TENM3: variants seen among roughly 807,000 people sequenced by gnomAD.
The protein encoded by TENM3 is teneurin-3.
TENM3 carries 63 observed loss-of-function variants against 255.1 expected under a neutral mutation model. The observed-to-expected ratio is 0.25, with a 90% CI of 0.20 to 0.30. The LOEUF (loss-of-function observed/expected upper bound fraction) is 0.30, where lower values mean the gene tolerates loss of function less well. TENM3 is among the 10% of genes least tolerant of loss of function. TENM3 has a pLI of 1.00. For missense variants in TENM3, 2,929 were observed against 3,461.1 expected (o/e 0.85, Z 3.86); for synonymous variants, 1,306 against 1,322.3 (o/e 0.99, Z 0.27).
chr4:181,523,872 C>T, the TENM3 span, among the ~76,000 whole-genome samples: 2 of 152,186 alleles, frequency 1.3e-5, no homozygotes, highest in Non-Finnish European at 2.9e-5. Context: ...AGGATTCAAA[C>T]AGTAGCATAC....
At chr4:181,506,382 G>A in the TENM3 span, among the ~76,000 whole-genome samples, 6 of 150,944 alleles carry the variant, frequency 4.0e-5, no homozygotes, top group Non-Finnish European at 8.8e-5. Context: ...AATCCAGGAC[G>A]GAATGTTCAT....
chr4:182,431,679 G>A (rs1266117548), intron 3 of TENM3, among the ~76,000 whole-genome samples: 1 of 152,198 alleles, frequency 6.6e-6, no homozygotes, highest in Non-Finnish European at 1.5e-5. Flanking sequence ...AATGCCTGCA[G>A]GGGTCAGGGT....
At chr4:182,653,503 G>A (rs186171838) in intron 5 of TENM3, among the ~76,000 whole-genome samples, 3 of 152,276 alleles carry the variant, frequency 2.0e-5, no homozygotes, top group African/African-American at 7.2e-5. Flanking sequence ...AGCAAATAAT[G>A]ATTGATTCCT....
chr4:181,913,236 A>G, the TENM3 span, among the ~76,000 whole-genome samples: 1 of 152,296 alleles, frequency 6.6e-6, no homozygotes, highest in East Asian at 1.9e-4. Context: ...TCTGAGAAGA[A>G]CTGAATGATT....
At chr4:181,849,165 T>G in the TENM3 span, among the ~76,000 whole-genome samples, 1 of 152,186 alleles carries the variant, frequency 6.6e-6, no homozygotes, top group Non-Finnish European at 1.5e-5. Context: ...TGCTTAATAT[T>G]CCTGTCTACA....
At chr4:182,001,253 C>T in the TENM3 span, among the ~76,000 whole-genome samples, 1 of 151,802 alleles carries the variant, frequency 6.6e-6, no homozygotes, top group Non-Finnish European at 1.5e-5. Context: ...ATAAAAAAAA[C>T]TCTACAAAAT....
chr4:182,744,924 T>G (rs1379621770), intron 19 of TENM3, among the ~76,000 whole-genome samples: 1 of 152,040 alleles, frequency 6.6e-6, no homozygotes, highest in Non-Finnish European at 1.5e-5. Context: ...CACATTTGAT[T>G]GAAAAACTTT....
intron 13 of TENM3, among the ~76,000 whole-genome samples, chr4:182,724,733 G>C (rs143389599): frequency 4.6e-5 from 7 of 152,176 alleles, no homozygotes; most frequent in African/African-American, 1.4e-4. Flanking sequence ...GCATTATGGC[G>C]GGGGAGAAGA....
At chr4:182,266,517 CA>C (rs1351475722) in intron 1 of TENM3, among the ~76,000 whole-genome samples, 1 of 151,526 alleles carries the variant, frequency 6.6e-6, no homozygotes, top group Middle Eastern at 3.2e-3. Context: ...TGCTCTTTCA[CA>C]AAAAAAGTAA....
the TENM3 span, among the ~76,000 whole-genome samples, chr4:181,676,675 T>C: frequency 6.6e-6 from 1 of 152,136 alleles, no homozygotes; most frequent in East Asian, 1.9e-4. Flanking sequence ...CTCCCATCAA[T>C]GTAAAAGATC....
chr4:182,134,978 A>G, the TENM3 span, among the ~76,000 whole-genome samples: 1 of 151,754 alleles, frequency 6.6e-6, no homozygotes, highest in South Asian at 2.1e-4. Context: ...GAGGCCGAGG[A>G]GGGTGGATCA....
intron 12 of TENM3, among the ~76,000 whole-genome samples, chr4:182,711,850 G>A (rs1758768890): frequency 6.6e-6 from 1 of 152,084 alleles, no homozygotes; most frequent in Admixed American, 6.5e-5. Context: ...AGAAACTGAA[G>A]ATAATGGTAC....
chr4:182,054,438 G>A, the TENM3 span, among the ~76,000 whole-genome samples: 8 of 152,250 alleles, frequency 5.3e-5, no homozygotes, highest in Non-Finnish European at 1.0e-4. Context: ...CAAGTGTGAC[G>A]TACTGTTAGG....
At chr4:182,217,689 A>G (rs1755584210) in intron 1 of TENM3, among the ~76,000 whole-genome samples, 1 of 152,210 alleles carries the variant, frequency 6.6e-6, no homozygotes, top group African/African-American at 2.4e-5. Flanking sequence ...AACATGTGGT[A>G]GAACTGAGAC....
intron 1 of TENM3, among the ~76,000 whole-genome samples, chr4:182,228,041 T>C (rs1320339990): frequency 6.6e-6 from 1 of 151,930 alleles, no homozygotes; most frequent in Non-Finnish European, 1.5e-5. Flanking sequence ...TATACAGAGA[T>C]TGAGAATAAA....
intron 3 of TENM3, among the ~76,000 whole-genome samples, chr4:182,591,202 G>T (rs1378448291): frequency 2.0e-5 from 3 of 152,126 alleles, no homozygotes; most frequent in Non-Finnish European, 4.4e-5. Context: ...AATCTAGGTT[G>T]CCGCATTGTC....
the TENM3 span, among the ~76,000 whole-genome samples, chr4:181,486,751 T>G: frequency 0.016 from 2,419 of 152,280 alleles, 33 homozygotes; most frequent in South Asian, 0.022. Flanking sequence ...CGTTCTAGGT[T>G]AAACAGAAAA....
upstream of TENM3, among the ~76,000 whole-genome samples, chr4:182,139,286 C>G (rs1749227427): frequency 6.6e-6 from 1 of 152,110 alleles, no homozygotes; most frequent in African/African-American, 2.4e-5. Flanking sequence ...GCCCCGGATG[C>G]AGAGCATTCC....
At chr4:181,671,946 G>A in the TENM3 span, among the ~76,000 whole-genome samples, 1 of 152,070 alleles carries the variant, frequency 6.6e-6, no homozygotes, top group Admixed American at 6.6e-5. Flanking sequence ...CTAGGAATAG[G>A]ATTATTCCCT....
Sources: allele counts gnomAD v4.1 joint callset (sites outside exome capture counted in the v4.1 genomes callset), GRCh38; gene constraint gnomAD v4.1.1; transcripts MANE v1.5; gene names NCBI Gene and HGNC (gene_info 2026-07-23, HGNC 2026-07-21).